ZDHHC16: variants seen among roughly 807,000 people sequenced by gnomAD.
ZDHHC16 encodes the protein zDHHC palmitoyltransferase 16, also known as palmitoyltransferase ZDHHC16.
Under a neutral mutation model 54.4 loss-of-function variants are expected in ZDHHC16, and 33 were observed. The ratio of observed to expected loss-of-function variants is 0.61; its 90% CI spans 0.46 to 0.81. ZDHHC16 has a LOEUF of 0.81. Among genes scored for constraint, ZDHHC16 ranks in the 30% least tolerant of loss-of-function variants. ZDHHC16 has a pLI of 0.00. For missense variants in ZDHHC16, 420 were observed against 485.9 expected (o/e 0.86, Z 1.28); for synonymous variants, 185 against 182.1 (o/e 1.02, Z -0.13).
rs1291593038 is a variant in ZDHHC16, at chr10:97,451,881, A to T, written c.206A>T (p.Tyr69Phe). Reference protein sequence around the residue: ...TAVDAAFEPVYWLVDNVIRWF... With the variant: ...TAVDAAFEPVFWLVDNVIRWF... ...GTTGATGCTGCCTTTGAGCCTGTCT[A>T]CTGGCTGGTAGACAACGTGATCCGC... Residue 69 changes from tyrosine (Y) to phenylalanine (F), a missense_variant, in exon 3 of 12, where the codon TAC becomes TTC. Tyr to Phe is a conservative substitution (Grantham distance 22). Coordinates refer to ENST00000393760, the MANE Select transcript of ZDHHC16 (RefSeq NM_198046.3). 5.6e-6 allele frequency: 9 copies of T among 1,613,872 alleles called. No individual in the cohort carries two copies. Among genetic ancestry groups the T allele is most frequent in the Non-Finnish European group, 7.6e-6 (9 of 1,179,880 alleles).
intron 4 of ZDHHC16, 63 bp from the exon 5 acceptor site, chr10:97,452,352 T>C: frequency 6.2e-7 from 1 of 1,609,720 alleles, no homozygotes; most frequent in South Asian, 1.1e-5. Context: ...GTGGGGAGAG[T>C]ATCTTGGTAT....
At chr10:97,456,689 G>C in intron 11 of ZDHHC16, 88 bp from the exon 12 acceptor site, 1 of 927,900 alleles carries the variant, frequency 1.1e-6, no homozygotes, top group Non-Finnish European at 1.6e-6. Context: ...GTAGCTTCAG[G>C]ATACCTTGAT....
chr10:97,452,757 T>A, intron 5 of ZDHHC16, 138 bp from the exon 6 acceptor site: 1 of 1,222,866 alleles, frequency 8.2e-7, no homozygotes, highest in Non-Finnish European at 1.2e-6. Context: ...CAGAGCTGGG[T>A]TTGAAGCAAG....
rs751701687 is a variant in ZDHHC16 at position 97,451,932 on chromosome 10, AGGGAGCAGGAAAAGGGGTGTTGTG to A, written c.243+23_243+46del. The A allele has an allele frequency of 6.2e-7, 1 of 1,602,020 alleles. No homozygotes were observed. On this transcript the variant is annotated intron_variant, in intron 3 of 11. Coordinates refer to ENST00000393760, the MANE Select transcript of ZDHHC16 (RefSeq NM_198046.3). ...TGGTTTGGAGTGGTGAGTGATGTCC[AGGGAGCAGGAAAAGGGGTGTTGTG>A]GGGAGCAGAGGGACATGTCTCTCAC...
rs1846731293 is a variant in ZDHHC16 at position 97,452,433 on chromosome 10, A to C, written c.457A>C (p.Thr153Pro). Residue 153 changes from threonine to proline, a missense_variant, in exon 5 of 12, where the codon ACC (threonine) becomes CCC (proline). Transcript: ENST00000393760. ...CACACAGGGCAGGAATGATATCGCC[A>C]CCGTCTCCATCTGTAAGAAGTGCAT... ...YPPQGRNDIATVSICKKCIYP... is the reference protein window; with the variant it reads ...YPPQGRNDIAPVSICKKCIYP... The C allele has an allele frequency of 1.2e-6, 2 of 1,614,046 alleles. No individual in the cohort carries two copies. The highest frequency in any genetic ancestry group is 2.7e-5 in the African/African-American group (2 of 74,934).
chr10:97,456,703 T>C (rs1589525043), intron 11 of ZDHHC16, 74 bp from the exon 12 acceptor site: 2 of 1,112,002 alleles, frequency 1.8e-6, no homozygotes, highest in Non-Finnish European at 2.6e-6. Context: ...CCTTGATGTA[T>C]GCTTGTTAAG....
In ZDHHC16 at chr10:97,451,772, C is replaced by T. The variant is rs767115540; in HGVS notation, c.97C>T (p.Arg33Trp). 2.4e-5 allele frequency: 39 copies of T among 1,614,002 alleles called. No individual in the cohort carries two copies. Among genetic ancestry groups the T allele is most frequent in the Admixed American group, 1.7e-4 (10 of 60,002 alleles). Reference protein sequence around the residue: ...GYRRRCPPLLRGLVQRWRYGK... With the variant: ...GYRRRCPPLLWGLVQRWRYGK... The stretch of plus-strand genomic sequence containing the variant: ...CAGGCGCCGCTGTCCACCTCTACTC[C>T]GGGGTCTAGTACAGCGCTGGCGCTA... The change falls in exon 3 of 12, where the codon CGG becomes TGG. Residue 33 changes from arginine to tryptophan, a missense_variant. Arg to Trp is a moderately radical substitution (Grantham distance 101). Coordinates refer to ENST00000393760, the MANE Select transcript of ZDHHC16 (RefSeq NM_198046.3).
At position 97,453,249 on chromosome 10, in the gene ZDHHC16, C is replaced by T. The variant is rs149745207; in HGVS notation, c.557-281C>T. Among the ~76,000 whole-genome samples, 347 of 152,238 alleles carry T rather than the reference C, an allele frequency of 2.3e-3. 1 individual carries two copies. The highest frequency in any genetic ancestry group is 7.9e-3 in the African/African-American group (327 of 41,532). On this transcript the variant is annotated intron_variant, in intron 6 of 11. Transcript: ENST00000393760. ...GCTGCTGTTCCACACAGATGTTTGG[C>T]TAACTCCAGCTAGGCTGAAATATTG...
At chr10:97,447,822 C>G (rs1344605062) in intron 1 of ZDHHC16, among the ~76,000 whole-genome samples, 1 of 151,868 alleles carries the variant, frequency 6.6e-6, no homozygotes, top group East Asian at 1.9e-4. Context: ...ACTCAGGAGG[C>G]TGAGGCAGGA....
chr10:97,455,737 G>A lies in ZDHHC16; in HGVS notation c.902G>A (p.Arg301Lys), dbSNP rs973829073. Residue 301 changes from arginine to lysine, a missense_variant, in exon 10 of 12, where the codon AGG becomes AAG. Arg to Lys is a conservative substitution (Grantham distance 26). Coordinates refer to ENST00000393760, the MANE Select transcript of ZDHHC16 (RefSeq NM_198046.3). ...AGTCGAGGTGAGACTAGCATCGAAAGGCACATCAACAAGAAGGAGAGACGT... is the reference window on the plus strand; with the variant it reads ...AGTCGAGGTGAGACTAGCATCGAAAAGCACATCAACAAGAAGGAGAGACGT... ...LISRGETSIERHINKKERRRL... is the reference protein window; with the variant it reads ...LISRGETSIEKHINKKERRRL... 2.5e-6 allele frequency: 4 copies of A among 1,614,194 alleles called. No homozygotes were observed. The highest frequency in any genetic ancestry group is 1.6e-4 in the Middle Eastern group (1 of 6,062).
At chr10:97,453,935 T>C (rs1344776033) in intron 8 of ZDHHC16, 89 bp downstream of exon 8, 4 of 1,571,702 alleles carry the variant, frequency 2.5e-6, no homozygotes, top group Non-Finnish European at 3.5e-6. Context: ...GCCCATGTAG[T>C]TGTAGAGGCT....
intron 5 of ZDHHC16, 181 bp downstream of exon 5, chr10:97,452,684 T>C (rs1301909129): frequency 2.8e-5 from 26 of 913,742 alleles, no homozygotes; most frequent in Non-Finnish European, 4.2e-5. Context: ...TTATTACCAC[T>C]TGTGAAAACC....
chr10:97,454,821 A>G (rs779867661), intron 9 of ZDHHC16, 22 bp downstream of exon 9: 26 of 1,609,870 alleles, frequency 1.6e-5, no homozygotes, highest in South Asian at 5.5e-5. Flanking sequence ...TGATAGTTTT[A>G]AGGGAGGGGA....
intron 9 of ZDHHC16, 94 bp downstream of exon 9, chr10:97,454,893 C>G: frequency 9.6e-7 from 1 of 1,040,246 alleles, no homozygotes; most frequent in Non-Finnish European, 1.5e-6. Context: ...CCTAAGTGAA[C>G]TGCCACTGCT....
chr10:97,453,025 G>C (rs1291136879), intron 6 of ZDHHC16, 102 bp downstream of exon 6: 1 of 1,470,476 alleles, frequency 6.8e-7, no homozygotes, highest in Non-Finnish European at 9.5e-7. Context: ...GAGAACACTG[G>C]AGTTGAGGAG....
intron 11 of ZDHHC16, chr10:97,456,493 G>T (rs763293405): frequency 1.6e-5 from 5 of 321,736 alleles, no homozygotes; most frequent in Admixed American, 4.5e-5. Flanking sequence ...ACAATCAGAT[G>T]AACAGACGTG....
intron 11 of ZDHHC16, 95 bp downstream of exon 11, chr10:97,456,139 T>TA: frequency 7.7e-7 from 1 of 1,302,860 alleles, no homozygotes; most frequent in South Asian, 1.3e-5. Flanking sequence ...GGCTAGTGGC[T>TA]ACTGTGTTAG....
At chr10:97,454,604 A>C (rs980243869) in intron 8 of ZDHHC16, 110 bp from the exon 9 acceptor site, 2 of 1,016,470 alleles carry the variant, frequency 2.0e-6, no homozygotes, top group African/African-American at 3.2e-5. Flanking sequence ...CTGTGGCTTT[A>C]CCCTGTTTTC....
intron 9 of ZDHHC16, 125 bp from the exon 10 acceptor site, chr10:97,455,535 G>GT (rs1342532078): frequency 2.0e-6 from 3 of 1,483,402 alleles, no homozygotes; most frequent in Non-Finnish European, 2.8e-6. Flanking sequence ...AGGATATATG[G>GT]TGGGAGGTGA....
Sources: gnomAD v4.1 joint callset for allele counts (sites outside exome capture counted in the v4.1 genomes callset) on GRCh38, gnomAD v4.1.1 for gene constraint, MANE v1.5 for transcripts, NCBI Gene and HGNC (gene_info 2026-07-23, HGNC 2026-07-21) for gene names.